Variants in CNBD1 observed in about 807,000 individuals in gnomAD.
CNBD1 encodes the protein cyclic nucleotide binding domain containing 1, also known as cyclic nucleotide-binding domain-containing protein 1.
CNBD1 carries 71 observed loss-of-function variants against 54.4 expected under a neutral mutation model. The ratio of observed to expected loss-of-function variants is 1.30; its 90% CI spans 1.08 to 1.59. The LOEUF is 1.59. Ranked by LOEUF, CNBD1 falls within the 40% of genes most tolerant of loss-of-function variation. The pLI is 0.00. For missense variants in CNBD1, 659 were observed against 518.0 expected, an observed-to-expected ratio of 1.27 and a Z score of -2.64; for synonymous variants, 182 against 170.7, an observed-to-expected ratio of 1.07 and a Z score of -0.51.
chr8:87,269,008 C>A (rs1422086303), intron 6 of CNBD1, among the ~76,000 whole-genome samples: 2 of 151,980 alleles, frequency 1.3e-5, no homozygotes, highest in Non-Finnish European at 2.9e-5. Flanking sequence ...TGGCTGATAT[C>A]CAGAATGATA....
At chr8:86,993,093 G>C (rs1371885292) in intron 4 of CNBD1, among the ~76,000 whole-genome samples, 3 of 152,102 alleles carry the variant, frequency 2.0e-5, no homozygotes, top group African/African-American at 7.2e-5. Flanking sequence ...GAATGCCAAT[G>C]TGTTGTAGGT....
Position 87,220,161 on chromosome 8 carries a change from T to G in CNBD1, c.577+14023T>G, listed in dbSNP as rs543557993. The stretch of plus-strand genomic sequence containing the variant: ...AATCGCCAATAATATTTAACTATTT[T>G]TTAAAGTAACTTAATGCTATGAATA... On this transcript the variant is annotated intron_variant, in intron 5 of 10. Coordinates refer to ENST00000518476, the MANE Select transcript of CNBD1 (RefSeq NM_173538.3). Among the ~76,000 whole-genome samples the G allele has an allele frequency of 1.7e-4, 26 of 152,208 alleles. No homozygotes were observed. In the East Asian group the frequency reaches 4.8e-3, roughly 28 times the overall value.
intron 5 of CNBD1, among the ~76,000 whole-genome samples, chr8:87,228,487 G>T (rs186407609): frequency 0.078 from 11,668 of 148,806 alleles, 1,196 homozygotes; most frequent in African/African-American, 0.14. Flanking sequence ...CAGGTCTGTT[G>T]GAGTACCCTG....
At chr8:87,417,845 TA>T (rs1331436715) in intron 2 of CNBD1, among the ~76,000 whole-genome samples, 1 of 151,984 alleles carries the variant, frequency 6.6e-6, no homozygotes, top group East Asian at 1.9e-4. Context: ...AGAAATATAT[TA>T]AAAAATAAAT....
chr8:87,382,943 G>C (rs992990087), downstream of CNBD1: 3 of 214,848 alleles, frequency 1.4e-5, no homozygotes, highest in Non-Finnish European at 2.8e-5. Context: ...ATATGTAAAT[G>C]TTTATATGAC....
At chr8:87,248,706 T>C (rs1325451462) in intron 6 of CNBD1, among the ~76,000 whole-genome samples, 1 of 152,226 alleles carries the variant, frequency 6.6e-6, no homozygotes, top group Non-Finnish European at 1.5e-5. Flanking sequence ...TAAATACAAC[T>C]TTCTTTTGTT....
chr8:86,962,006 G>A (rs1807940809), intron 4 of CNBD1, among the ~76,000 whole-genome samples: 1 of 152,152 alleles, frequency 6.6e-6, no homozygotes, highest in African/African-American at 2.4e-5. Flanking sequence ...CATGCAGGCA[G>A]GTTCTATGGC....
chr8:86,916,700 TTTTA>T (rs1057163998), intron 3 of CNBD1, among the ~76,000 whole-genome samples: 6 of 152,014 alleles, frequency 3.9e-5, no homozygotes, highest in Admixed American at 2.0e-4. Context: ...AACATTATTA[TTTTA>T]TTTTTTATTT....
At chr8:87,423,188 G>A (rs1301589449) in intron 2 of CNBD1, among the ~76,000 whole-genome samples, 1 of 152,022 alleles carries the variant, frequency 6.6e-6, no homozygotes, top group Non-Finnish European at 1.5e-5. Flanking sequence ...GAGACGATGG[G>A]GTTTTCTAGA....
chr8:87,270,282 C>T (rs1169002416), intron 6 of CNBD1, among the ~76,000 whole-genome samples: 1 of 151,410 alleles, frequency 6.6e-6, no homozygotes, highest in Admixed American at 6.6e-5. Context: ...AACAAACAAC[C>T]TCATTAAAAA....
At chr8:87,228,760 G>A (rs1376794388) in intron 5 of CNBD1, among the ~76,000 whole-genome samples, 9 of 151,990 alleles carry the variant, frequency 5.9e-5, no homozygotes, top group Non-Finnish European at 8.8e-5. Flanking sequence ...GAGCTGTGGT[G>A]GGCTCCACCC....
At chr8:86,922,321 A>C (rs1003429148) in intron 3 of CNBD1, among the ~76,000 whole-genome samples, 2 of 152,104 alleles carry the variant, frequency 1.3e-5, no homozygotes, top group Non-Finnish European at 2.9e-5. Flanking sequence ...AAAAGGAAGA[A>C]AGGAAGAGAA....
intron 4 of CNBD1, among the ~76,000 whole-genome samples, chr8:87,199,802 A>G (rs1813815126): frequency 6.6e-6 from 1 of 152,164 alleles, no homozygotes; most frequent in Non-Finnish European, 1.5e-5. Flanking sequence ...CAGTAGGTGT[A>G]CCTTCCATTT....
At chr8:87,310,924 C>T (rs1809250536) in intron 8 of CNBD1, among the ~76,000 whole-genome samples, 1 of 152,124 alleles carries the variant, frequency 6.6e-6, no homozygotes, top group Non-Finnish European at 1.5e-5. Flanking sequence ...TGGACCCCTT[C>T]TTTTCACCAT....
intron 2 of CNBD1, among the ~76,000 whole-genome samples, chr8:87,412,814 T>G (rs759153313): frequency 6.6e-6 from 1 of 151,176 alleles, no homozygotes; most frequent in Non-Finnish European, 1.5e-5. Flanking sequence ...AAGAGGGAGG[T>G]AGGTTAGGCA....
intron 8 of CNBD1, among the ~76,000 whole-genome samples, chr8:87,335,901 T>A (rs1351081171): frequency 6.6e-6 from 1 of 152,200 alleles, no homozygotes; most frequent in African/African-American, 2.4e-5. Context: ...GCAGGCCTGG[T>A]GGTGATGAAT....
chr8:87,229,530 T>C (rs1340560713), intron 5 of CNBD1, among the ~76,000 whole-genome samples: 2 of 152,158 alleles, frequency 1.3e-5, no homozygotes, highest in Non-Finnish European at 2.9e-5. Flanking sequence ...TTTTAGACAA[T>C]TTTATAGTAT....
At chr8:87,073,009 T>C (rs1025703568) in intron 4 of CNBD1, among the ~76,000 whole-genome samples, 2 of 152,030 alleles carry the variant, frequency 1.3e-5, no homozygotes, top group African/African-American at 4.8e-5. Flanking sequence ...TTCTTTTCTT[T>C]CCATTCTGTA....
At chr8:87,237,585 T>C (rs1220465131) in intron 6 of CNBD1, among the ~76,000 whole-genome samples, 14 of 152,150 alleles carry the variant, frequency 9.2e-5, no homozygotes, top group Admixed American at 9.2e-4. Flanking sequence ...CTTTTGCATC[T>C]ATATAATATT....
Sources: allele counts gnomAD v4.1 joint callset (sites outside exome capture counted in the v4.1 genomes callset), GRCh38; gene constraint gnomAD v4.1.1; transcripts MANE v1.5; gene names NCBI Gene and HGNC (gene_info 2026-07-23, HGNC 2026-07-21).